The following PRKG2 variants were observed in gnomAD, a reference collection of about 807,000 sequenced individuals.
PRKG2 encodes cGMP-dependent protein kinase 2.
A neutral mutation model predicts 97.2 loss-of-function variants in PRKG2; 33 were observed. The observed-to-expected ratio is 0.34, with a 90% CI of 0.26 to 0.45. The LOEUF is 0.45. Ranked by LOEUF, PRKG2 falls within the 20% of genes least tolerant of loss-of-function variation. The pLI, the probability that PRKG2 is intolerant of heterozygous loss-of-function variation, is 1.00. For missense variants in PRKG2, 638 were observed against 900.0 expected (o/e 0.71, Z 3.73); for synonymous variants, 330 against 321.8 (o/e 1.03, Z -0.27).
At chr4:81,209,064 G>T (rs775736470) in intron 1 of PRKG2, among the ~76,000 whole-genome samples, 7 of 152,182 alleles carry the variant, frequency 4.6e-5, no homozygotes, top group Admixed American at 1.3e-4. Flanking sequence ...GACAGCAATC[G>T]AATGAGTAGT....
chr4:81,143,142 A>G (rs1010406156), intron 10 of PRKG2, among the ~76,000 whole-genome samples, 195 bp from the exon 11 acceptor site: 3 of 152,196 alleles, frequency 2.0e-5, no homozygotes, highest in Non-Finnish European at 4.4e-5. Flanking sequence ...TACAAACATA[A>G]AACTCACACA....
chr4:81,198,282 C>T (rs1216212319), intron 2 of PRKG2, among the ~76,000 whole-genome samples: 1 of 151,210 alleles, frequency 6.6e-6, no homozygotes, highest in Non-Finnish European at 1.5e-5. Flanking sequence ...GCAGAGTGAG[C>T]AGAGCCCAGA....
chr4:81,102,058 C>T (rs918033193), intron 17 of PRKG2, among the ~76,000 whole-genome samples: 1 of 152,138 alleles, frequency 6.6e-6, no homozygotes, highest in African/African-American at 2.4e-5. Flanking sequence ...ACCGAAGACA[C>T]CGTAAATTTG....
chr4:81,092,505 GAA>G (rs1741674975), intron 17 of PRKG2, 53 bp from the exon 18 acceptor site: 5 of 1,029,398 alleles, frequency 4.9e-6, no homozygotes, highest in Non-Finnish European at 7.3e-6. Flanking sequence ...AGGAAGGAAG[GAA>G]GGAAGGGAGA....
At chr4:81,150,223 T>C (rs1748249888) in intron 8 of PRKG2, among the ~76,000 whole-genome samples, 1 of 152,180 alleles carries the variant, frequency 6.6e-6, no homozygotes, top group African/African-American at 2.4e-5. Context: ...GAAAGGCATA[T>C]GGTATTCCTT....
chr4:81,176,439 T>A (rs1386040703), intron 2 of PRKG2, among the ~76,000 whole-genome samples: 1 of 152,190 alleles, frequency 6.6e-6, no homozygotes, highest in African/African-American at 2.4e-5. Flanking sequence ...ATCCAATTCA[T>A]TTTTATCCAC....
chr4:81,167,468 AG>A (rs954824153), intron 5 of PRKG2, among the ~76,000 whole-genome samples: 1 of 149,444 alleles, frequency 6.7e-6, no homozygotes. Context: ...GATACCAGAC[AG>A]GGGGAAAAAA....
At chr4:81,206,995 C>A (rs1389717954) in intron 1 of PRKG2, among the ~76,000 whole-genome samples, 1 of 152,138 alleles carries the variant, frequency 6.6e-6, no homozygotes, top group African/African-American at 2.4e-5. Context: ...TAATATGTTG[C>A]AGAGATGTGG....
intron 14 of PRKG2, among the ~76,000 whole-genome samples, chr4:81,130,420 C>G (rs1019627560): frequency 6.6e-6 from 1 of 152,158 alleles, no homozygotes; most frequent in Non-Finnish European, 1.5e-5. Context: ...TATGAGATAT[C>G]TGTTGATACC....
chr4:81,129,774 T>A (rs1475703792), intron 14 of PRKG2, among the ~76,000 whole-genome samples: 1 of 152,182 alleles, frequency 6.6e-6, no homozygotes, highest in East Asian at 1.9e-4. Context: ...CGATGCATCT[T>A]GACTCTATCC....
At chr4:81,131,123 C>T (rs1216097800) in intron 14 of PRKG2, among the ~76,000 whole-genome samples, 5 of 152,188 alleles carry the variant, frequency 3.3e-5, no homozygotes, top group Admixed American at 6.5e-5. Flanking sequence ...TGTAGGCACC[C>T]GAGGGAATCT....
At chr4:81,192,488 G>C (rs947526410) in intron 2 of PRKG2, among the ~76,000 whole-genome samples, 2 of 152,128 alleles carry the variant, frequency 1.3e-5, no homozygotes, top group Non-Finnish European at 2.9e-5. Flanking sequence ...GAAATATCAG[G>C]TCTGGCACTA....
chr4:81,088,905 G>A lies in PRKG2; in HGVS notation c.*803C>T, dbSNP rs760716632. 3.9e-5 allele frequency: 6 copies of A among 152,090 alleles called. No individual in the cohort carries two copies. Among genetic ancestry groups the A allele is most frequent in the South Asian group, 2.1e-4 (1 of 4,832 alleles). The allele number at this position is 152,090 out of a possible 1,614,324, so 9.4% of individuals were successfully genotyped here. On this transcript the variant is annotated 3_prime_UTR_variant, in exon 19 of 19. Coordinates refer to ENST00000264399, the MANE Select transcript of PRKG2 (RefSeq NM_006259.3). ...AGCCTTCGCAATTTTGTTCCAGCAC[G>A]TTTTCTACTCTGGTTGTGAAAATAT...
At chr4:81,135,026 G>A (rs1746537758) in intron 14 of PRKG2, 129 bp downstream of exon 14, 2 of 844,110 alleles carry the variant, frequency 2.4e-6, no homozygotes, top group South Asian at 2.4e-5. Context: ...GTCGGGAAAT[G>A]TCAAAGGCCA....
At chr4:81,168,973 C>T (rs1381098487) in intron 5 of PRKG2, among the ~76,000 whole-genome samples, 1 of 151,836 alleles carries the variant, frequency 6.6e-6, no homozygotes, top group Non-Finnish European at 1.5e-5. Context: ...ACTTGCAAAA[C>T]TCCCATTAAA....
In PRKG2 at chr4:81,155,018, C is replaced by CA. The variant is rs941904486; in HGVS notation, c.913-1298dup. Among the ~76,000 whole-genome samples, 28 of 147,706 alleles carry CA rather than the reference C, an allele frequency of 1.9e-4. No individual in the cohort carries two copies. The East Asian group carries it at 2.0e-3, about 10-fold the overall frequency. On this transcript the variant is annotated intron_variant, in intron 6 of 18. Transcript: ENST00000264399. ...TGAAACCCCGTCTCTACTAAAAATA[C>CA]AAAAAAAAAATTAGCCGGGCGTAGT...
intron 1 of PRKG2, among the ~76,000 whole-genome samples, chr4:81,214,297 G>A (rs1754161523): frequency 6.6e-6 from 1 of 151,906 alleles, no homozygotes; most frequent in African/African-American, 2.4e-5. Context: ...TGCTTTTATT[G>A]TCAGCTCTGG....
At chr4:81,142,689 A>T in intron 11 of PRKG2, 105 bp downstream of exon 11, 1 of 1,303,546 alleles carries the variant, frequency 7.7e-7, no homozygotes, top group Non-Finnish European at 1.0e-6. Context: ...AGCAACATTT[A>T]AGATAGCAGT....
At chr4:81,123,890 T>C (rs568128181) in intron 14 of PRKG2, among the ~76,000 whole-genome samples, 1 of 152,332 alleles carries the variant, frequency 6.6e-6, no homozygotes, top group South Asian at 2.1e-4. Context: ...TTGATCCTTC[T>C]ATTTTAATTC....
Sources: gnomAD v4.1 joint callset for allele counts (sites outside exome capture counted in the v4.1 genomes callset) on GRCh38, gnomAD v4.1.1 for gene constraint, MANE v1.5 for transcripts, NCBI Gene and HGNC (gene_info 2026-07-23, HGNC 2026-07-21) for gene names.